The following ANK1 variants were observed in gnomAD, a reference collection of about 807,000 sequenced individuals.
The protein encoded by ANK1 is ankyrin 1, also known as ankyrin-1.
Under a neutral mutation model 210.4 loss-of-function variants are expected in ANK1, and 51 were observed. The ratio of observed to expected loss-of-function variants is 0.24; its 90% confidence interval spans 0.19 to 0.31. ANK1 has a LOEUF of 0.31. Among genes scored for constraint, ANK1 ranks in the 10% least tolerant of loss-of-function variants. The pLI, the probability that ANK1 is intolerant of heterozygous loss-of-function variation, is 1.00. For synonymous variants in ANK1, 967 were observed against 1,025.9 expected (o/e 0.94, Z 1.10); for missense variants, 2,051 against 2,504.4 (o/e 0.82, Z 3.86).
chr8:41,791,828 C>A (rs1055323751), intron 1 of ANK1, among the ~76,000 whole-genome samples: 4 of 152,208 alleles, frequency 2.6e-5, no homozygotes, highest in African/African-American at 9.6e-5. Flanking sequence ...GCCACAGAGG[C>A]TCCCCGCTGC....
rs774775507 is a variant in ANK1, at chr8:41,719,677, G to A, written c.1091C>T (p.Pro364Leu). ...CCCACTCACCAGGGCTCTGGAGTTG[G>A]GTTTGGCCCCTTTATCCAGAAGGAC... Reference protein sequence around the residue: ...AKVLLDKGAKPNSRALNGFTP... With the variant: ...AKVLLDKGAKLNSRALNGFTP... The change falls in exon 10 of 43, where the codon CCC (proline) becomes CTC (leucine). Residue 364 changes from proline (P) to leucine (L), a missense_variant. Pro to Leu is a moderately conservative substitution (Grantham distance 98). This residue lies in a region of ANK1 where 1,413 missense variants were observed against 1,707.4 expected (regional missense o/e 0.83). Coordinates refer to ENST00000289734, the MANE Select transcript of ANK1 (RefSeq NM_000037.4). 6.2e-7 allele frequency: 1 copy of A among 1,614,076 alleles called. No homozygotes were observed. Among genetic ancestry groups the A allele is most frequent in the African/African-American group, 1.3e-5 (1 of 74,918 alleles).
At chr8:41,745,087 A>C (rs1257422382) in intron 2 of ANK1, among the ~76,000 whole-genome samples, 1 of 106,870 alleles carries the variant, frequency 9.4e-6, no homozygotes, top group Non-Finnish European at 2.4e-5. Context: ...AGACAGCGTG[A>C]GAAAACAGAC....
chr8:41,660,612 G>A (rs1395452599), intron 42 of ANK1: 15 of 440,130 alleles, frequency 3.4e-5, no homozygotes, highest in South Asian at 2.0e-4. Flanking sequence ...CTCATGGCAC[G>A]GCACGGCACG....
rs992815404 is a variant in ANK1 at position 41,863,984 on chromosome 8, C to T, written c.126+32371G>A. On this transcript the variant is annotated intron_variant, in intron 1 of 42. Transcript: ENST00000265709. ...CACTGGCCGGGCATGGTGGCTCACA[C>T]CTGTAATCCCAGCACTTTGGGAGGC... Among the ~76,000 whole-genome samples, 3 of 152,150 alleles carry T rather than the reference C, an allele frequency of 2.0e-5. No individual in the cohort carries two copies. In the East Asian group the frequency reaches 5.8e-4, roughly 29 times the overall value.
intron 36 of ANK1, 139 bp downstream of exon 36, chr8:41,686,013 G>T: frequency 7.3e-7 from 1 of 1,363,254 alleles, no homozygotes; most frequent in East Asian, 2.3e-5. Context: ...CTCCTGATGC[G>T]AGTGGTGCGT....
At chr8:41,698,423 C>T (rs544015614) in intron 23 of ANK1, among the ~76,000 whole-genome samples, 2 of 152,282 alleles carry the variant, frequency 1.3e-5, no homozygotes, top group East Asian at 1.9e-4. Context: ...CAAATGAGTC[C>T]GTAAGTTGCT....
At chr8:41,673,333 C>T (rs1293048656) in intron 37 of ANK1, among the ~76,000 whole-genome samples, 2 of 152,162 alleles carry the variant, frequency 1.3e-5, no homozygotes, top group African/African-American at 4.8e-5. Flanking sequence ...CTCCTCTACT[C>T]AAAACTTCAC....
At chr8:41,803,157 A>G (rs899878266) in intron 1 of ANK1, among the ~76,000 whole-genome samples, 57 of 148,158 alleles carry the variant, frequency 3.8e-4, no homozygotes, top group Non-Finnish European at 1.5e-4. Flanking sequence ...GAAAGAAAAG[A>G]AAAGAGAAAA....
chr8:41,798,179 G>T (rs916530783), upstream of ANK1, among the ~76,000 whole-genome samples: 1 of 151,898 alleles, frequency 6.6e-6, no homozygotes, highest in Non-Finnish European at 1.5e-5. Flanking sequence ...TGGGGCGCAG[G>T]AGTCCTTCTG....
In ANK1 at chr8:41,694,910, C is replaced by T. The variant is rs1483145592; in HGVS notation, c.3116-107G>A. The T allele has an allele frequency of 8.1e-7, 1 of 1,239,718 alleles. No homozygotes were observed. Among genetic ancestry groups the T allele is most frequent in the African/African-American group, 1.5e-5 (1 of 67,428 alleles). 76.8% of individuals were successfully genotyped at this position (1,239,718 alleles called of 1,614,324 possible). A position where few individuals can be genotyped will look rare whatever the true frequency, so the allele number is the denominator to read the frequency against. On this transcript the variant is annotated intron_variant, in intron 27 of 42. Coordinates refer to ENST00000289734, the MANE Select transcript of ANK1 (RefSeq NM_000037.4). The surrounding 1 kb of genome is among the most constrained non-coding windows in gnomAD (Gnocchi z 5.7). ...CCCCAAGACCCAGTGCACACACCCT[C>T]CCCAGGTGCCGGGCGGCATAGTGGC...
chr8:41,711,453 AC>A (rs1016863817), intron 16 of ANK1, among the ~76,000 whole-genome samples: 1 of 152,204 alleles, frequency 6.6e-6, no homozygotes, highest in African/African-American at 2.4e-5. Flanking sequence ...CATAAGACTA[AC>A]CAAAGGGACT....
chr8:41,800,486 G>A (rs142317649), upstream of ANK1, among the ~76,000 whole-genome samples: 24 of 152,156 alleles, frequency 1.6e-4, no homozygotes, highest in Middle Eastern at 6.8e-3. Flanking sequence ...GACAATATAC[G>A]TTCCCCATCT....
chr8:41,731,866 C>G (rs926750521), intron 3 of ANK1, among the ~76,000 whole-genome samples: 1 of 152,276 alleles, frequency 6.6e-6, no homozygotes, highest in Non-Finnish European at 1.5e-5. Flanking sequence ...CGCTCCGGCA[C>G]ACGCGGGGCA....
intron 42 of ANK1, among the ~76,000 whole-genome samples, chr8:41,658,102 T>G (rs758511133): frequency 6.6e-6 from 1 of 152,192 alleles, no homozygotes; most frequent in African/African-American, 2.4e-5. Flanking sequence ...CAGGCTCATC[T>G]CAAATTATCC....
intron 1 of ANK1, among the ~76,000 whole-genome samples, chr8:41,871,741 G>A (rs995792163): frequency 6.6e-6 from 1 of 152,204 alleles, no homozygotes. Context: ...CCAGTCTGTG[G>A]GACTTTGTTA....
At position 41,704,649 on chromosome 8, in the gene ANK1, G is replaced by C. The variant is rs1233552796; in HGVS notation, c.2098-177C>G. On this transcript the variant is annotated intron_variant, in intron 18 of 42. Coordinates refer to ENST00000289734, the MANE Select transcript of ANK1 (RefSeq NM_000037.4). The surrounding 1 kb of genome is among the most constrained non-coding windows in gnomAD (Gnocchi z 4.1). Reference sequence around the variant, plus strand: ...CCACCAGGCTGAGATGCTTGTGGGAGACCCAAGGGGAGACGTCAAGCGGGC... The same window carrying C: ...CCACCAGGCTGAGATGCTTGTGGGACACCCAAGGGGAGACGTCAAGCGGGC... Among the ~76,000 whole-genome samples the C allele has an allele frequency of 6.6e-6, 1 of 152,182 alleles. No homozygotes were observed. The highest frequency in any genetic ancestry group is 1.5e-5 in the Non-Finnish European group (1 of 68,032).
intron 39 of ANK1, among the ~76,000 whole-genome samples, chr8:41,667,974 G>T (rs1262360102): frequency 1.3e-5 from 2 of 152,158 alleles, no homozygotes; most frequent in Non-Finnish European, 2.9e-5. Flanking sequence ...CACAACTTTG[G>T]AGTCAGCGAG....
intron 42 of ANK1, chr8:41,660,332 T>C: frequency 2.3e-6 from 1 of 439,134 alleles, no homozygotes; most frequent in Non-Finnish European, 4.6e-6. Flanking sequence ...TAGAGCCTCC[T>C]TGCTGCTCGG....
chr8:41,662,563 C>T (rs1027956137), intron 40 of ANK1, among the ~76,000 whole-genome samples: 3 of 152,234 alleles, frequency 2.0e-5, no homozygotes, highest in Non-Finnish European at 4.4e-5. Context: ...CATTCTACTC[C>T]CATGAGCCTA....
Sources: allele counts gnomAD v4.1 joint callset (sites outside exome capture counted in the v4.1 genomes callset), GRCh38; gene constraint gnomAD v4.1.1; regional missense constraint gnomAD v4.1.1; non-coding constraint Gnocchi (gnomAD v3.1); transcripts MANE v1.5; gene names NCBI Gene and HGNC (gene_info 2026-07-23, HGNC 2026-07-21).